Variants in SPTBN2 observed in about 807,000 individuals in gnomAD.
The protein encoded by SPTBN2 is spectrin beta, non-erythrocytic 2, also known as spectrin beta chain, non-erythrocytic 2.
SPTBN2 carries 107 observed loss-of-function variants against 284.2 expected under a neutral mutation model. The ratio of observed to expected loss-of-function variants is 0.38; its 90% CI spans 0.32 to 0.44. The LOEUF is 0.44. Ranked by LOEUF, SPTBN2 falls within the 20% of genes least tolerant of loss-of-function variation. The pLI is 1.00. For synonymous variants in SPTBN2, 1,289 were observed against 1,354.8 expected (o/e 0.95, Z 1.07); for missense variants, 2,569 against 3,287.1 (o/e 0.78, Z 5.34).
rs1265110467 is a variant in SPTBN2 at position 66,707,880 on chromosome 11, C to G, written c.1351-62G>C. ...AGGGACAGTGCCTCTGCCTGCTCCT[C>G]TGTCCTGCAGGGCACTTGGCCTGCA... On this transcript the variant is annotated intron_variant, in intron 12 of 37. Coordinates refer to ENST00000533211, the MANE Select transcript of SPTBN2 (RefSeq NM_006946.4). The surrounding 1 kb of genome is among the most constrained non-coding windows in gnomAD (Gnocchi z 4.9). The G allele has an allele frequency of 2.5e-6, 4 of 1,584,874 alleles. No homozygotes were observed. In the African/African-American group the frequency reaches 5.4e-5, roughly 21 times the overall value.
At position 66,687,931 on chromosome 11, in the gene SPTBN2, G is replaced by T; in HGVS notation, c.6451-13C>A. The T allele has an allele frequency of 6.2e-7, 1 of 1,614,216 alleles. No individual in the cohort carries two copies. ...GTCCCAGCAGGGGCTGCAAGGACAA[G>T]AATCTGTAAAAGGATGTGCGGGGGT... On this transcript the variant is annotated splice_polypyrimidine_tract_variant and intron_variant, in intron 33 of 37. Coordinates refer to ENST00000533211, the MANE Select transcript of SPTBN2 (RefSeq NM_006946.4). The surrounding 1 kb of genome is among the most constrained non-coding windows in gnomAD (Gnocchi z 5.2).
rs1466747213 is a variant in SPTBN2, at chr11:66,707,117, G to A, written c.1653+399C>T. Among the ~76,000 whole-genome samples, 1 of 152,232 alleles carries A rather than the reference G, an allele frequency of 6.6e-6. No homozygotes were observed. The highest frequency in any genetic ancestry group is 1.5e-5 in the Non-Finnish European group (1 of 68,036). On this transcript the variant is annotated intron_variant, in intron 13 of 37. Coordinates refer to ENST00000533211, the MANE Select transcript of SPTBN2 (RefSeq NM_006946.4). The surrounding 1 kb of genome is among the most constrained non-coding windows in gnomAD (Gnocchi z 4.9). The stretch of plus-strand genomic sequence containing the variant: ...ACACACCATGCTGATCCAGGCCGAG[G>A]GCCTGTGCCGGCTGTTCCTTCTGCC...
In SPTBN2 at chr11:66,688,749, G is replaced by A. The variant is rs751575277; in HGVS notation, c.6135C>T (p.Val2045=). The A allele has an allele frequency of 3.5e-5, 57 of 1,613,356 alleles. No homozygotes were observed. The highest frequency in any genetic ancestry group is 4.6e-5 in the Non-Finnish European group (54 of 1,180,036). ...GCTTGATGAGGCTCTCAACTTCGTCGACCGTGCAACCCAGCTCAGCGCTGC... is the reference window on the plus strand; with the variant it reads ...GCTTGATGAGGCTCTCAACTTCGTCAACCGTGCAACCCAGCTCAGCGCTGC... The part of the protein sequence containing the change: ...LVRSAELGCT[V]DEVESLIKRH... Residue 2045 remains valine (V), a synonymous_variant, in exon 31 of 38, where the codon GTC becomes GTT. Coordinates refer to ENST00000533211, the MANE Select transcript of SPTBN2 (RefSeq NM_006946.4).
intron 1 of SPTBN2, among the ~76,000 whole-genome samples, chr11:66,738,945 G>C (rs746719554): frequency 1.3e-5 from 2 of 152,102 alleles, no homozygotes; most frequent in Non-Finnish European, 2.9e-5. Context: ...ATGAGTAGCT[G>C]GGACTATAGG....
rs1427238219 is a variant in SPTBN2 at position 66,688,939 on chromosome 11, C to T, written c.6035-90G>A. The T allele has an allele frequency of 2.0e-6, 3 of 1,534,206 alleles. No individual in the cohort carries two copies. In the African/African-American group the frequency reaches 4.1e-5, roughly 21 times the overall value. On this transcript the variant is annotated intron_variant, in intron 30 of 37. Coordinates refer to ENST00000533211, the MANE Select transcript of SPTBN2 (RefSeq NM_006946.4). ...CATGGCAACCTCAAGAACAGGGACACAGAGAAAGCCACTGCCCCAGAGCTG... is the reference window on the plus strand; with the variant it reads ...CATGGCAACCTCAAGAACAGGGACATAGAGAAAGCCACTGCCCCAGAGCTG...
chr11:66,717,399 A>G (rs1308990236), intron 3 of SPTBN2, among the ~76,000 whole-genome samples: 1 of 152,112 alleles, frequency 6.6e-6, no homozygotes, highest in Non-Finnish European at 1.5e-5. Flanking sequence ...CTTCCGTCTC[A>G]GCACCAGCAT....
Position 66,688,291 on chromosome 11 carries a change from C to T in SPTBN2, c.6252G>A (p.Glu2084=). 2 of 1,603,546 alleles carry T rather than the reference C, an allele frequency of 1.2e-6. No homozygotes were observed. The highest frequency in any genetic ancestry group is 2.2e-5 in the South Asian group (2 of 89,810). ...CCTCCTCCTCCCTCTTTCTCTTTCG[C>T]TCCTTCTCCCGCTCCTCTAGCTGTC... is the stretch of plus-strand genomic sequence containing the variant. ...KLTALEEREK[E]RKRKREEEER... is the part of the protein sequence containing the mutation. The change falls in exon 32 of 38, where the codon GAG becomes GAA. Residue 2084 remains glutamate, a synonymous_variant. Transcript: ENST00000533211.
intron 20 of SPTBN2, among the ~76,000 whole-genome samples, chr11:66,696,889 C>T (rs552474821): frequency 2.0e-5 from 3 of 152,322 alleles, no homozygotes; most frequent in African/African-American, 7.2e-5. Flanking sequence ...TTTCTCAACT[C>T]ATTACTCTTC....
chr11:66,711,416 T>C (rs1335914163), intron 8 of SPTBN2, among the ~76,000 whole-genome samples: 1 of 152,184 alleles, frequency 6.6e-6, no homozygotes, highest in Admixed American at 6.5e-5. Context: ...TGAGGGGCAG[T>C]GGGACGGAAG....
At chr11:66,703,138 T>C (rs1286550504) in intron 15 of SPTBN2, among the ~76,000 whole-genome samples, 1 of 151,644 alleles carries the variant, frequency 6.6e-6, no homozygotes, top group South Asian at 2.1e-4. Flanking sequence ...TGGAGTGCAG[T>C]GGCACGATCT....
intron 1 of SPTBN2, among the ~76,000 whole-genome samples, chr11:66,727,070 TC>T (rs1942643162): frequency 1.3e-5 from 2 of 152,180 alleles, no homozygotes. Context: ...GCAGATTTAT[TC>T]AAATATTCAG....
At chr11:66,686,636 A>C in intron 36 of SPTBN2, 196 bp from the exon 37 acceptor site, 1 of 680,404 alleles carries the variant, frequency 1.5e-6, no homozygotes, top group Non-Finnish European at 2.5e-6. Context: ...CTGGCCCCAG[A>C]GGCAGGGGGA....
At chr11:66,711,141 T>G in intron 8 of SPTBN2, 112 bp from the exon 9 acceptor site, 1 of 836,554 alleles carries the variant, frequency 1.2e-6, no homozygotes, top group East Asian at 2.5e-5. Context: ...TCTCTCCATC[T>G]CCTTTTAGAG....
intron 19 of SPTBN2, 66 bp from the exon 20 acceptor site, chr11:66,698,851 C>G: frequency 6.2e-7 from 1 of 1,607,844 alleles, no homozygotes. Context: ...AGCAGGGCCA[C>G]AGTGAGCCAG....
chr11:66,721,998 GA>G (rs994291036), intron 1 of SPTBN2, among the ~76,000 whole-genome samples: 89 of 143,456 alleles, frequency 6.2e-4, no homozygotes, highest in South Asian at 1.1e-3. Context: ...GAGACTAGTA[GA>G]AAAAAAAAAA....
At position 66,710,803 on chromosome 11, in the gene SPTBN2, A is replaced by C; in HGVS notation, c.886-34T>G. 1 of 1,612,928 alleles carries C rather than the reference A, an allele frequency of 6.2e-7. No homozygotes were observed. Among genetic ancestry groups the C allele is most frequent in the Non-Finnish European group, 8.5e-7 (1 of 1,179,660 alleles). ...CAGAAGACAGGGACGTGACAGTCCCAGCCACAGGGTCCCTGGCCCAGTCCT... is the reference window on the plus strand; with the variant it reads ...CAGAAGACAGGGACGTGACAGTCCCCGCCACAGGGTCCCTGGCCCAGTCCT... On this transcript the variant is annotated intron_variant, in intron 9 of 37. Coordinates refer to ENST00000533211, the MANE Select transcript of SPTBN2 (RefSeq NM_006946.4). The surrounding 1 kb of genome is among the most constrained non-coding windows in gnomAD (Gnocchi z 4.9).
In SPTBN2 at chr11:66,687,209, C is replaced by T. The variant is rs369753151; in HGVS notation, c.6723-42G>A. ...GCTGACTGGCCGGCCTCAGTGGCGC[C>T]CGCAACCTGGAGCCCTCTTGGGTGT... On this transcript the variant is annotated intron_variant, in intron 35 of 37. Transcript: ENST00000533211. This position sits in a 1 kb window ranked among gnomAD's most constrained non-coding sequence, Gnocchi z 5.2. 1.4e-5 allele frequency: 23 copies of T among 1,610,398 alleles called. No individual in the cohort carries two copies. In the African/African-American group the frequency reaches 3.1e-4, roughly 21 times the overall value.
intron 27 of SPTBN2, 32 bp from the exon 28 acceptor site, chr11:66,690,315 C>A: frequency 7.0e-6 from 11 of 1,564,656 alleles, no homozygotes; most frequent in Non-Finnish European, 9.5e-6. Context: ...TCAGGCAGAG[C>A]GGGGGACTCC....
upstream of SPTBN2, among the ~76,000 whole-genome samples, chr11:66,732,425 G>A (rs1254397248): frequency 1.3e-5 from 2 of 152,090 alleles, no homozygotes; most frequent in African/African-American, 2.4e-5. Flanking sequence ...CAAAGTAAGC[G>A]GATCACAAGG....
Sources: gnomAD v4.1 joint callset for allele counts (sites outside exome capture counted in the v4.1 genomes callset) on GRCh38, gnomAD v4.1.1 for gene constraint, Gnocchi (gnomAD v3.1) non-coding constraint, MANE v1.5 for transcripts, NCBI Gene and HGNC (gene_info 2026-07-23, HGNC 2026-07-21) for gene names.